ATP10A: variants seen among roughly 807,000 people sequenced by gnomAD.
The protein encoded by ATP10A is phospholipid-transporting ATPase VA.
Under a neutral mutation model 147.8 loss-of-function variants are expected in ATP10A, and 111 were observed. That is an observed-to-expected ratio of 0.75 (90% CI 0.64 to 0.88). The LOEUF is 0.88. Among genes scored for constraint, ATP10A ranks in the 40% least tolerant of loss-of-function variants. The pLI, the probability that ATP10A is intolerant of heterozygous loss-of-function variation, is 0.00. For missense variants in ATP10A, 1,927 were observed against 1,959.0 expected (o/e 0.98, Z 0.31); for synonymous variants, 875 against 841.6 (o/e 1.04, Z -0.69).
intron 1 of ATP10A, among the ~76,000 whole-genome samples, chr15:25,785,734 C>T (rs1043533710): frequency 4.6e-5 from 7 of 152,170 alleles, no homozygotes; most frequent in Admixed American, 1.3e-4. Flanking sequence ...TTTATCAGCA[C>T]GGACCTCTAG....
intron 2 of ATP10A, among the ~76,000 whole-genome samples, chr15:25,763,457 T>C (rs8025642): frequency 0.94 from 142,684 of 152,302 alleles, 67,333 homozygotes; most frequent in Non-Finnish European, 1. Flanking sequence ...TCCCTTCCAG[T>C]ACTGGGCTCC....
At chr15:25,821,449 C>A (rs529539375) in intron 1 of ATP10A, among the ~76,000 whole-genome samples, 3 of 150,516 alleles carry the variant, frequency 2.0e-5, no homozygotes, top group African/African-American at 7.3e-5. Context: ...CTTACAGAAA[C>A]AACATTGAAT....
intron 1 of ATP10A, among the ~76,000 whole-genome samples, chr15:25,829,705 G>C (rs886327875): frequency 2.0e-5 from 3 of 152,180 alleles, no homozygotes; most frequent in Non-Finnish European, 4.4e-5. Flanking sequence ...AGCCAGGAGA[G>C]AGCTGGGGGA....
rs1567343548 is a variant in ATP10A, at chr15:25,735,014, TG to T, written c.740+1041del. Among the ~76,000 whole-genome samples, 7 of 12,226 alleles carry T rather than the reference TG, an allele frequency of 5.7e-4. No individual in the cohort carries two copies. In the South Asian group the frequency reaches 0.025, roughly 43 times the overall value. The allele number at this position is 12,226 out of a possible 152,430, so 8.0% of individuals were successfully genotyped here. On this transcript the variant is annotated intron_variant, in intron 3 of 20. Coordinates refer to ENST00000555815, the MANE Select transcript of ATP10A (RefSeq NM_024490.4). The stretch of plus-strand genomic sequence containing the variant: ...CTGCGTGGTGGGAGCGGGGGGGGGG[TG>T]GGGGGGTGGGGGAAGTGGGTGGGGC...
chr15:25,847,225 G>GCAC (rs1555480184), intron 1 of ATP10A, among the ~76,000 whole-genome samples: 17 of 151,706 alleles, frequency 1.1e-4, no homozygotes, highest in Non-Finnish European at 2.1e-4. Flanking sequence ...TGAGCAGCAC[G>GCAC]CGCAGGCACT....
At chr15:25,805,873 G>A (rs1182164253) in intron 1 of ATP10A, among the ~76,000 whole-genome samples, 1 of 152,150 alleles carries the variant, frequency 6.6e-6, no homozygotes, top group African/African-American at 2.4e-5. Flanking sequence ...ATCAAAGATG[G>A]CAGGCACATC....
downstream of ATP10A, among the ~76,000 whole-genome samples, chr15:25,673,774 A>G (rs1458845144): frequency 6.6e-6 from 1 of 152,062 alleles, no homozygotes; most frequent in Admixed American, 6.5e-5. Flanking sequence ...AAGGGAGGGG[A>G]TGGCAATGCT....
chr15:25,828,861 T>C (rs1009251692), intron 1 of ATP10A, among the ~76,000 whole-genome samples: 3 of 152,348 alleles, frequency 2.0e-5, no homozygotes, highest in Non-Finnish European at 2.9e-5. Context: ...CCTCGGGCAC[T>C]GTGATCTTTG....
Position 25,716,763 on chromosome 15 carries a change from G to T in ATP10A, c.1743C>A (p.Val581=). 6.2e-7 allele frequency: 1 copy of T among 1,601,814 alleles called. No individual in the cohort carries two copies. Among genetic ancestry groups the T allele is most frequent in the South Asian group, 1.1e-5 (1 of 89,166 alleles). ...FFIALTICNT[V]VVTSPDQPRT... ...GTGGCTGATCCGGGGACGTGACGAC[G>T]ACTGTGTTGCAGATGGTGAGTGCGA... Residue 581 remains valine, a synonymous_variant, in exon 9 of 21, where the codon GTC becomes GTA. Coordinates refer to ENST00000555815, the MANE Select transcript of ATP10A (RefSeq NM_024490.4).
chr15:25,795,103 T>C (rs1890609415), intron 1 of ATP10A, among the ~76,000 whole-genome samples: 1 of 152,198 alleles, frequency 6.6e-6, no homozygotes, highest in Admixed American at 6.5e-5. Flanking sequence ...AAAACAATTG[T>C]TTTTTCTTTG....
chr15:25,747,776 ATGGCT>A (rs1887924936), intron 2 of ATP10A, among the ~76,000 whole-genome samples: 1 of 152,216 alleles, frequency 6.6e-6, no homozygotes, highest in Admixed American at 6.5e-5. Flanking sequence ...TCAGATTCAG[ATGGCT>A]TCACCAGTAA....
chr15:25,681,711 A>C (rs866576097), intron 17 of ATP10A, among the ~76,000 whole-genome samples: 26 of 152,296 alleles, frequency 1.7e-4, no homozygotes, highest in South Asian at 4.1e-4. Flanking sequence ...ACTCACTGGG[A>C]ACACCTGCAC....
intron 1 of ATP10A, among the ~76,000 whole-genome samples, chr15:25,804,632 C>T (rs961805503): frequency 2.1e-4 from 32 of 152,190 alleles, no homozygotes; most frequent in African/African-American, 7.2e-4. Context: ...CAGGTCCACC[C>T]GGCCACCCAC....
At chr15:25,849,401 G>T (rs1180619719) in intron 1 of ATP10A, among the ~76,000 whole-genome samples, 2 of 152,180 alleles carry the variant, frequency 1.3e-5, no homozygotes, top group African/African-American at 4.8e-5. Context: ...GACATCCTTA[G>T]TACAGGACTG....
intron 1 of ATP10A, among the ~76,000 whole-genome samples, chr15:25,808,359 A>G (rs1217960842): frequency 6.6e-6 from 1 of 152,064 alleles, no homozygotes; most frequent in Non-Finnish European, 1.5e-5. Flanking sequence ...GCTCCAGTTT[A>G]CCTCATTTTG....
chr15:25,821,801 A>C (rs1006043207), intron 1 of ATP10A, among the ~76,000 whole-genome samples: 1 of 152,250 alleles, frequency 6.6e-6, no homozygotes, highest in African/African-American at 2.4e-5. Context: ...ACAAAACTAC[A>C]GCTATGCCAA....
chr15:25,675,391 A>C (rs1004627172), downstream of ATP10A, among the ~76,000 whole-genome samples: 6 of 152,250 alleles, frequency 3.9e-5, no homozygotes, highest in African/African-American at 1.4e-4. Context: ...TTTAAATACA[A>C]ACATGAGAAG....
At position 25,725,941 on chromosome 15, in the gene ATP10A, G is replaced by A; in HGVS notation, c.979+10C>T. 1 of 1,611,724 alleles carries A rather than the reference G, an allele frequency of 6.2e-7. No individual in the cohort carries two copies. The highest frequency in any genetic ancestry group is 8.5e-7 in the Non-Finnish European group (1 of 1,178,596). On this transcript the variant is annotated intron_variant, in intron 5 of 20. Coordinates refer to ENST00000555815, the MANE Select transcript of ATP10A (RefSeq NM_024490.4). ...CCCCCACTCATTTCCGATCCATCTA[G>A]GAGACTTACCGACTGCTGAAAACAG...
intron 17 of ATP10A, among the ~76,000 whole-genome samples, chr15:25,682,570 GCCAAGGATGGGAACTCC>G (rs1899481789): frequency 6.6e-6 from 1 of 152,174 alleles, no homozygotes; most frequent in African/African-American, 2.4e-5. Flanking sequence ...CTGAGGCCTG[GCCAAGGATGGGAACTCC>G]CCTGAAGCAA....
Sources: allele counts gnomAD v4.1 joint callset (sites outside exome capture counted in the v4.1 genomes callset), GRCh38; gene constraint gnomAD v4.1.1; transcripts MANE v1.5; gene names NCBI Gene and HGNC (gene_info 2026-07-23, HGNC 2026-07-21).